Variants in SLC9A3 observed in about 807,000 individuals in gnomAD.
The protein encoded by SLC9A3 is sodium/hydrogen exchanger 3.
A neutral mutation model predicts 86.8 loss-of-function variants in SLC9A3; 37 were observed. The observed-to-expected ratio is 0.43, with a 90% CI of 0.33 to 0.56. The LOEUF is 0.56. Ranked by LOEUF, SLC9A3 falls within the 20% of genes least tolerant of loss-of-function variation. The pLI is 0.06. For synonymous variants in SLC9A3, 581 were observed against 528.3 expected (o/e 1.10, Z -1.37); for missense variants, 1,011 against 1,171.9 (o/e 0.86, Z 2.00).
At chr5:482,445 C>A in intron 7 of SLC9A3, 103 bp downstream of exon 7, 1 of 987,528 alleles carries the variant, frequency 1.0e-6, no homozygotes, top group Non-Finnish European at 1.5e-6. Context: ...ATTATGAAAC[C>A]CAATTAGGGT....
rs1271125984 is a variant in SLC9A3 at position 476,548 on chromosome 5, G to C, written c.1885C>G (p.Gln629Glu). The C allele has an allele frequency of 6.2e-7, 1 of 1,610,930 alleles. No individual in the cohort carries two copies. Among genetic ancestry groups the C allele is most frequent in the South Asian group, 1.1e-5 (1 of 91,052 alleles). ...TLQQYLYKPRQEYKHLYSRHE... is the reference protein window; with the variant it reads ...TLQQYLYKPREEYKHLYSRHE... Reference sequence around the variant, plus strand: ...CCCCAGCCCGCAGTGCCCACCTCCTGCCGCGGCTTGTACAGGTACTGCTGT... The same window carrying C: ...CCCCAGCCCGCAGTGCCCACCTCCTCCCGCGGCTTGTACAGGTACTGCTGT... Residue 629 changes from glutamine (Q) to glutamate (E), a missense_variant, in exon 12 of 17, where the codon CAG (glutamine) becomes GAG (glutamate). This residue lies in a region of SLC9A3 where 397 missense variants were observed against 346.3 expected (regional missense o/e 1.15). Coordinates refer to ENST00000264938, the MANE Select transcript of SLC9A3 (RefSeq NM_004174.4).
rs1428227637 is a variant in SLC9A3, at chr5:472,602, G to T, written c.*777C>A. Reference sequence around the variant, plus strand: ...CGCGGGCAGGACGGAACCTGGGGGGGAAACGGGGCAGGTACTGGCTTTAGG... The same window carrying T: ...CGCGGGCAGGACGGAACCTGGGGGGTAAACGGGGCAGGTACTGGCTTTAGG... On this transcript the variant is annotated 3_prime_UTR_variant, in exon 17 of 17. Coordinates refer to ENST00000264938, the MANE Select transcript of SLC9A3 (RefSeq NM_004174.4). 2 of 393,274 alleles carry T rather than the reference G, an allele frequency of 5.1e-6. No individual in the cohort carries two copies. Among genetic ancestry groups the T allele is most frequent in the Admixed American group, 3.1e-5 (1 of 32,294 alleles). The allele number at this position is 393,274 out of a possible 1,614,324, so 24.4% of individuals were successfully genotyped here.
At chr5:484,158 C>T (rs1418603954) in intron 5 of SLC9A3, among the ~76,000 whole-genome samples, 4 of 81,842 alleles carry the variant, frequency 4.9e-5, no homozygotes, top group African/African-American at 2.0e-4. Flanking sequence ...CCCCGCCGGA[C>T]CCAGGAGGGT....
Position 487,520 on chromosome 5 carries a change from C to T in SLC9A3, c.675+796G>A, listed in dbSNP as rs111380176. 1.2e-3 allele frequency among the ~76,000 whole-genome samples: 90 copies of T among 74,900 alleles called. 39 individuals are homozygous for T. The highest frequency in any genetic ancestry group is 1.5e-3 in the Admixed American group (10 of 6,836). 49.1% of individuals were successfully genotyped at this position (74,900 alleles called of 152,430 possible). On this transcript the variant is annotated intron_variant, in intron 3 of 16. Coordinates refer to ENST00000264938, the MANE Select transcript of SLC9A3 (RefSeq NM_004174.4). ...ACCACACTGACACCGTGATCCAGACCGCACTGACACCCACCGCACTGACAC... is the reference window on the plus strand; with the variant it reads ...ACCACACTGACACCGTGATCCAGACTGCACTGACACCCACCGCACTGACAC...
At chr5:521,786 C>T (rs577121075) in intron 1 of SLC9A3, among the ~76,000 whole-genome samples, 8 of 152,228 alleles carry the variant, frequency 5.3e-5, no homozygotes, top group African/African-American at 1.9e-4. Context: ...GAACACAGGT[C>T]GTGCACCTGA....
chr5:473,192 C>T lies in SLC9A3; in HGVS notation c.*187G>A, dbSNP rs914000533. 721 of 593,814 alleles carry T rather than the reference C, an allele frequency of 1.2e-3. 2 individuals are homozygous for T. Among genetic ancestry groups the T allele is most frequent in the Non-Finnish European group, 1.6e-3 (671 of 413,778 alleles). 36.8% of individuals were successfully genotyped at this position (593,814 alleles called of 1,614,324 possible). A position where few individuals can be genotyped will look rare whatever the true frequency, so the allele number is the denominator to read the frequency against. On this transcript the variant is annotated 3_prime_UTR_variant, in exon 17 of 17. Transcript: ENST00000264938. ...CCGCCCCCGGCTCGCCCTCGGGCGG[C>T]TCTGCGGGCGCAGGCGCGGCACTCT... is the stretch of plus-strand genomic sequence containing the variant.
intron 9 of SLC9A3, 26 bp downstream of exon 9, chr5:481,539 C>A (rs1739165107): frequency 6.3e-7 from 1 of 1,597,394 alleles, no homozygotes; most frequent in Non-Finnish European, 8.6e-7. Flanking sequence ...CTGTGCGACA[C>A]CGCCGGGGCC....
At chr5:475,914 T>C in intron 14 of SLC9A3, 106 bp downstream of exon 14, 1 of 1,015,700 alleles carries the variant, frequency 9.8e-7, no homozygotes, top group Non-Finnish European at 1.4e-6. Flanking sequence ...GGCTGGAGGG[T>C]CCCCAGAGGG....
chr5:518,488 C>T (rs1733797679), intron 1 of SLC9A3, among the ~76,000 whole-genome samples: 1 of 152,184 alleles, frequency 6.6e-6, no homozygotes, highest in African/African-American at 2.4e-5. Context: ...CAACACCTGG[C>T]ACCCTGACAC....
At position 509,301 on chromosome 5, in the gene SLC9A3, A is replaced by G. The variant is rs1740770374; in HGVS notation, c.211+14811T>C. Among the ~76,000 whole-genome samples the G allele has an allele frequency of 6.6e-5, 10 of 152,054 alleles. No individual in the cohort carries two copies. The South Asian group carries it at 2.1e-3, about 32-fold the overall frequency. On this transcript the variant is annotated intron_variant, in intron 1 of 16. Transcript: ENST00000264938. ...TCTGTCTCTACTAAAGTAAATTACA[A>G]AAATTAGCTGGGTACCGTGGCGCAT...
chr5:480,120 G>A (rs1739067372), intron 9 of SLC9A3, 155 bp from the exon 10 acceptor site: 1 of 748,982 alleles, frequency 1.3e-6, no homozygotes, highest in African/African-American at 1.8e-5. Flanking sequence ...CACACGCCCA[G>A]GCCGTCCGCC....
intron 1 of SLC9A3, among the ~76,000 whole-genome samples, chr5:514,477 G>A (rs1434908956): frequency 1.3e-5 from 2 of 152,210 alleles, no homozygotes; most frequent in Non-Finnish European, 2.9e-5. Context: ...ATCGGGTCTT[G>A]CCTGTCGGGG....
chr5:501,734 C>T (rs1256148357), intron 1 of SLC9A3, among the ~76,000 whole-genome samples: 5 of 152,234 alleles, frequency 3.3e-5, no homozygotes, highest in African/African-American at 7.2e-5. Flanking sequence ...CTGTGGGGCA[C>T]CGGCGAGGAA....
chr5:490,798 G>A (rs2126628932), intron 2 of SLC9A3, among the ~76,000 whole-genome samples: 1 of 152,360 alleles, frequency 6.6e-6, no homozygotes, highest in Admixed American at 6.5e-5. Flanking sequence ...TGACGGGCCT[G>A]CCATCCATGA....
chr5:492,384 C>A (rs1192529685), intron 1 of SLC9A3, among the ~76,000 whole-genome samples: 8 of 44,156 alleles, frequency 1.8e-4, no homozygotes, highest in African/African-American at 6.7e-4. Context: ...AGGGGGGAAC[C>A]CACAGGGGAG....
In SLC9A3 at chr5:475,107, C is replaced by G. The variant is rs1195703175; in HGVS notation, c.2277G>C (p.Pro759=). The change falls in exon 16 of 17, where the codon CCG becomes CCC. Residue 759 remains proline (P), a synonymous_variant. Transcript: ENST00000264938. ...PAGIDNPVFS[P]DEALDRSLLA... Reference sequence around the variant, plus strand: ...GGAGGCTGCGGTCCAGGGCCTCGTCCGGAGAAAACACAGGGTTGTCAATTC... The same window carrying G: ...GGAGGCTGCGGTCCAGGGCCTCGTCGGGAGAAAACACAGGGTTGTCAATTC... The G allele has an allele frequency of 6.2e-7, 1 of 1,603,442 alleles. No individual in the cohort carries two copies. The highest frequency in any genetic ancestry group is 8.5e-7 in the Non-Finnish European group (1 of 1,174,532).
intron 11 of SLC9A3, chr5:477,060 G>T (rs2278252): frequency 0.43 from 217,896 of 512,296 alleles, 48,341 homozygotes; most frequent in African/African-American, 0.64. Flanking sequence ...ATGGGGACCA[G>T]GACAGGCTGC....
At chr5:498,657 C>T (rs967647503) in intron 1 of SLC9A3, among the ~76,000 whole-genome samples, 3 of 152,182 alleles carry the variant, frequency 2.0e-5, no homozygotes, top group African/African-American at 4.8e-5. Flanking sequence ...CCACCTCGGT[C>T]GTCCACAGTG....
chr5:511,938 T>C (rs1480483835), intron 1 of SLC9A3, among the ~76,000 whole-genome samples: 1 of 152,126 alleles, frequency 6.6e-6, no homozygotes, highest in East Asian at 1.9e-4. Context: ...TAAAAAGAAA[T>C]GAGCTGTCAA....
Sources: allele counts gnomAD v4.1 joint callset (sites outside exome capture counted in the v4.1 genomes callset), GRCh38; gene constraint gnomAD v4.1.1; regional missense constraint gnomAD v4.1.1; transcripts MANE v1.5; gene names NCBI Gene and HGNC (gene_info 2026-07-23, HGNC 2026-07-21).